Variants in UNC80 observed in about 807,000 individuals in gnomAD.
The protein encoded by UNC80 is unc-80 subunit of NALCN channel complex.
Under a neutral mutation model 384.6 loss-of-function variants are expected in UNC80, and 164 were observed. That is an observed-to-expected ratio of 0.43 (90% CI 0.38 to 0.49). The LOEUF (loss-of-function observed/expected upper bound fraction) is 0.49. UNC80 is among the 20% of genes least tolerant of loss of function. UNC80 has a pLI of 0.00. For synonymous variants in UNC80, 1,486 were observed against 1,527.8 expected, an observed-to-expected ratio of 0.97 and a Z score of 0.64; for missense variants, 3,330 against 4,143.0, an observed-to-expected ratio of 0.80 and a Z score of 5.39.
chr2:209,872,763 C>G lies in UNC80; in HGVS notation c.3633C>G (p.Ala1211=). 5 of 1,551,286 alleles carry G rather than the reference C, an allele frequency of 3.2e-6. No individual in the cohort carries two copies. The highest frequency in any genetic ancestry group is 4.4e-6 in the Non-Finnish European group (5 of 1,146,738). ...TCCTAAACAACCCTACACAGGAAGC[C>G]CCTGTGGTGGCCAGAGCAGCCTTGT... The part of the protein sequence containing the change: ...SILAAALDLE[A]PVVARAALFL... The change falls in exon 23 of 65, where the codon GCC becomes GCG. Residue 1211 remains alanine, a synonymous_variant. Coordinates refer to ENST00000673920, the MANE Select transcript of UNC80 (RefSeq NM_001371986.1). This position sits in a 1 kb window ranked among gnomAD's most constrained non-coding sequence, Gnocchi z 4.1.
chr2:209,935,476 T>A lies in UNC80; in HGVS notation c.6179-238T>A, dbSNP rs528711679. 6.6e-5 allele frequency among the ~76,000 whole-genome samples: 10 copies of A among 152,128 alleles called. No homozygotes were observed. The South Asian group carries it at 2.1e-3, about 32-fold the overall frequency. Reference sequence around the variant, plus strand: ...GTCTCTACTAAAAATAAAAATTTTTTAAAAGTATTGGGAACTCCATACCTA... The same window carrying A: ...GTCTCTACTAAAAATAAAAATTTTTAAAAAGTATTGGGAACTCCATACCTA... On this transcript the variant is annotated intron_variant, in intron 39 of 64. Coordinates refer to ENST00000673920, the MANE Select transcript of UNC80 (RefSeq NM_001371986.1).
chr2:209,840,312 T>C (rs941529598), intron 19 of UNC80, among the ~76,000 whole-genome samples: 3 of 152,218 alleles, frequency 2.0e-5, no homozygotes, highest in African/African-American at 7.2e-5. Context: ...GGATAGATGA[T>C]GGTTTCCTTT....
chr2:209,776,562 C>G (rs962989648), intron 3 of UNC80, among the ~76,000 whole-genome samples: 3 of 152,206 alleles, frequency 2.0e-5, no homozygotes, highest in African/African-American at 7.2e-5. Context: ...GCCTAGGTGA[C>G]AAAGTGAGAC....
chr2:209,794,800 C>A (rs1158080936), intron 7 of UNC80: 1 of 455,068 alleles, frequency 2.2e-6, no homozygotes, highest in African/African-American at 2.0e-5. Flanking sequence ...ATAAGAAGCA[C>A]CTTTCACTTC....
intron 31 of UNC80, among the ~76,000 whole-genome samples, chr2:209,914,540 A>G (rs1022017877): frequency 1.3e-5 from 2 of 151,278 alleles, no homozygotes; most frequent in Non-Finnish European, 2.9e-5. Flanking sequence ...CCTCTCTCCT[A>G]TGACCCGCCC....
At chr2:209,925,879 G>A (rs1373145195) in intron 35 of UNC80, among the ~76,000 whole-genome samples, 3 of 152,086 alleles carry the variant, frequency 2.0e-5, no homozygotes, top group Non-Finnish European at 4.4e-5. Context: ...TCCTTCATAG[G>A]CCTTCTAAAA....
chr2:209,780,059 C>G (rs549149359), intron 4 of UNC80, among the ~76,000 whole-genome samples: 1 of 152,176 alleles, frequency 6.6e-6, no homozygotes, highest in South Asian at 2.1e-4. Flanking sequence ...TAGTATTCAA[C>G]TTGATACAAA....
chr2:209,978,366 A>T (rs2093064435), intron 58 of UNC80, among the ~76,000 whole-genome samples, 163 bp from the exon 59 acceptor site: 1 of 152,226 alleles, frequency 6.6e-6, no homozygotes, highest in Admixed American at 6.5e-5. Flanking sequence ...TCTTTAAAAT[A>T]AAAAATCCCC....
chr2:209,803,829 C>T (rs2078709753), intron 7 of UNC80, among the ~76,000 whole-genome samples: 1 of 152,072 alleles, frequency 6.6e-6, no homozygotes, highest in South Asian at 2.1e-4. Flanking sequence ...GACTCCTAGG[C>T]TTAAGCAATT....
At chr2:209,792,582 C>T (rs370475530) in intron 6 of UNC80, among the ~76,000 whole-genome samples, 4 of 152,066 alleles carry the variant, frequency 2.6e-5, no homozygotes, top group Non-Finnish European at 4.4e-5. Flanking sequence ...CTCCTGACCT[C>T]GTGATCCGCC....
intron 7 of UNC80, chr2:209,794,822 C>T (rs1243943188): frequency 2.2e-6 from 1 of 454,812 alleles, no homozygotes; most frequent in East Asian, 7.0e-5. Flanking sequence ...CACCATGATT[C>T]TGAGGCCTTC....
chr2:209,797,730 G>A (rs544539128), intron 7 of UNC80, among the ~76,000 whole-genome samples: 49 of 152,202 alleles, frequency 3.2e-4, no homozygotes, highest in African/African-American at 1.1e-3. Flanking sequence ...TTGAGGAATC[G>A]ACATGCTATC....
intron 25 of UNC80, among the ~76,000 whole-genome samples, chr2:209,884,029 A>G (rs544810965): frequency 6.6e-6 from 1 of 152,254 alleles, no homozygotes; most frequent in African/African-American, 2.4e-5. Flanking sequence ...CTCCCCCACA[A>G]AGAAACAACT....
intron 22 of UNC80, among the ~76,000 whole-genome samples, chr2:209,857,374 T>C (rs1467959808): frequency 6.6e-6 from 1 of 152,224 alleles, no homozygotes; most frequent in Non-Finnish European, 1.5e-5. Context: ...TTCAGTAGTT[T>C]ATCAATGTAA....
rs2124941550 is a variant in UNC80, at chr2:209,912,651, A to C, written c.4874A>C (p.Lys1625Thr). Residue 1625 changes from lysine to threonine, a missense_variant, in exon 30 of 65, where the codon AAG (lysine) becomes ACG (threonine). Lys to Thr is a moderately conservative substitution (Grantham distance 78). Coordinates refer to ENST00000673920, the MANE Select transcript of UNC80 (RefSeq NM_001371986.1). Reference sequence around the variant, plus strand: ...GGAAAAAAAGATTCCGGAATGCTGAAGTACATCAGACTTCAGGTATTGTTA... The same window carrying C: ...GGAAAAAAAGATTCCGGAATGCTGACGTACATCAGACTTCAGGTATTGTTA... ...LEGKKDSGMLKYIRLQVMSLS... is the reference protein window; with the variant it reads ...LEGKKDSGMLTYIRLQVMSLS... The C allele has an allele frequency of 6.4e-7, 1 of 1,550,886 alleles. No individual in the cohort carries two copies. Among genetic ancestry groups the C allele is most frequent in the South Asian group, 1.2e-5 (1 of 83,994 alleles).
At chr2:209,987,518 C>T (rs938107162) in intron 61 of UNC80, among the ~76,000 whole-genome samples, 5 of 152,130 alleles carry the variant, frequency 3.3e-5, no homozygotes, top group South Asian at 2.1e-4. Flanking sequence ...CCGTGAAACA[C>T]GCACACATAT....
intron 61 of UNC80, among the ~76,000 whole-genome samples, chr2:209,986,171 A>G (rs372275883): frequency 2.0e-5 from 3 of 152,238 alleles, no homozygotes; most frequent in African/African-American, 7.2e-5. Flanking sequence ...AACCAAGTCT[A>G]GCAGAGTGTT....
intron 28 of UNC80, 140 bp from the exon 29 acceptor site, chr2:209,904,625 G>A: frequency 1.4e-6 from 1 of 719,548 alleles, no homozygotes; most frequent in Non-Finnish European, 2.4e-6. Flanking sequence ...GTCCTCCTTT[G>A]GGAATTATTG....
chr2:209,848,791 C>T (rs1224170454), intron 21 of UNC80, among the ~76,000 whole-genome samples: 3 of 152,028 alleles, frequency 2.0e-5, no homozygotes, highest in Non-Finnish European at 2.9e-5. Context: ...AGTAGGTTCC[C>T]GCATTTTTCC....
Sources: allele counts gnomAD v4.1 joint callset (sites outside exome capture counted in the v4.1 genomes callset), GRCh38; gene constraint gnomAD v4.1.1; non-coding constraint Gnocchi (gnomAD v3.1); transcripts MANE v1.5; gene names NCBI Gene and HGNC (gene_info 2026-07-23, HGNC 2026-07-21).